The following DDHD1 variants were observed in gnomAD, a reference collection of about 807,000 sequenced individuals.
DDHD1 encodes the protein phospholipase DDHD1.
DDHD1 carries 49 observed loss-of-function variants against 96.4 expected under a neutral mutation model. The observed-to-expected ratio is 0.51, with a 90% confidence interval of 0.40 to 0.64. The LOEUF (loss-of-function observed/expected upper bound fraction) is 0.64, where lower values mean the gene tolerates loss of function less well. Ranked by LOEUF, DDHD1 falls within the 30% of genes least tolerant of loss-of-function variation. The probability of loss-of-function intolerance (pLI) is 0.00; values close to 1 mark genes in which losing one functional copy is unlikely to be tolerated. For missense variants in DDHD1, 1,106 were observed against 1,161.2 expected, an observed-to-expected ratio of 0.95 and a Z score of 0.69; for synonymous variants, 442 against 446.5, an observed-to-expected ratio of 0.99 and a Z score of 0.13.
intron 1 of DDHD1, among the ~76,000 whole-genome samples, chr14:53,149,152 C>A (rs1293736547): frequency 6.6e-6 from 1 of 152,076 alleles, no homozygotes; most frequent in African/African-American, 2.4e-5. Flanking sequence ...TTCATGTACC[C>A]CAAATTAGTT....
At chr14:53,149,492 C>A (rs1352770999) in intron 1 of DDHD1, among the ~76,000 whole-genome samples, 1 of 152,142 alleles carries the variant, frequency 6.6e-6, no homozygotes, top group Admixed American at 6.5e-5. Flanking sequence ...GGACTGGACC[C>A]TCCTAGAAAG....
chr14:53,125,981 G>A (rs917280399), intron 1 of DDHD1, among the ~76,000 whole-genome samples: 3 of 152,130 alleles, frequency 2.0e-5, no homozygotes, highest in East Asian at 3.9e-4. Context: ...GATTACAGGC[G>A]TGAGCCACCG....
chr14:53,128,514 T>G (rs1889625301), intron 1 of DDHD1, among the ~76,000 whole-genome samples: 1 of 152,162 alleles, frequency 6.6e-6, no homozygotes, highest in Non-Finnish European at 1.5e-5. Flanking sequence ...CGTATGACCT[T>G]ATCACTTCCC....
intron 1 of DDHD1, among the ~76,000 whole-genome samples, chr14:53,140,910 G>C (rs1304365852): frequency 6.6e-6 from 1 of 152,180 alleles, no homozygotes; most frequent in Non-Finnish European, 1.5e-5. Flanking sequence ...AAGGAATCTA[G>C]AGTGGCTATA....
At chr14:53,131,191 A>T (rs572372218) in intron 1 of DDHD1, among the ~76,000 whole-genome samples, 1 of 152,162 alleles carries the variant, frequency 6.6e-6, no homozygotes, top group African/African-American at 2.4e-5. Context: ...TTCCCTGACT[A>T]TTCCTGGGCT....
In DDHD1 at chr14:53,093,525, A is replaced by G. The variant is rs1886615982; in HGVS notation, c.1013-81T>C. On this transcript the variant is annotated intron_variant, in intron 2 of 12. Transcript: ENST00000673822. The stretch of plus-strand genomic sequence containing the variant: ...TGAAGAATTATAACACTCAGATTTT[A>G]AAATCAATATGTTATCTAAAAAACT... 3 of 1,537,292 alleles carry G rather than the reference A, an allele frequency of 2.0e-6. No homozygotes were observed. In the African/African-American group the frequency reaches 4.2e-5, roughly 21 times the overall value.
chr14:53,104,824 G>T (rs951749202), intron 1 of DDHD1, among the ~76,000 whole-genome samples: 2 of 151,902 alleles, frequency 1.3e-5, no homozygotes, highest in African/African-American at 4.8e-5. Flanking sequence ...GAAACAAATG[G>T]ATCTAATTAT....
chr14:53,146,660 T>C (rs1891005776), intron 1 of DDHD1, among the ~76,000 whole-genome samples: 1 of 152,220 alleles, frequency 6.6e-6, no homozygotes, highest in Non-Finnish European at 1.5e-5. Flanking sequence ...TTTACCACCT[T>C]GAATTTCACT....
chr14:53,119,787 A>C (rs1888841308), intron 1 of DDHD1, among the ~76,000 whole-genome samples: 2 of 152,348 alleles, frequency 1.3e-5, no homozygotes, highest in Admixed American at 1.3e-4. Context: ...TAAACTAGGT[A>C]TCAATAGAAT....
rs755632915 is a variant in DDHD1, at chr14:53,063,180, A to G, written c.1529T>C (p.Leu510Pro). The G allele has an allele frequency of 1.7e-5, 28 of 1,613,708 alleles. No individual in the cohort carries two copies. Among genetic ancestry groups the G allele is most frequent in the Non-Finnish European group, 2.3e-5 (27 of 1,179,962 alleles). Reference sequence around the variant, plus strand: ...ACAGAAAAGGGAATACAATCGATTCAGCTCTTGCTGAAGGCCTTTAACTAG... The same window carrying G: ...ACAGAAAAGGGAATACAATCGATTCGGCTCTTGCTGAAGGCCTTTAACTAG... ...DELVKGLQQELNRLYSLFCSR... is the reference protein window; with the variant it reads ...DELVKGLQQEPNRLYSLFCSR... Residue 510 changes from leucine (L) to proline (P), a missense_variant, in exon 7 of 13, where the codon CTG becomes CCG. Transcript: ENST00000673822.
intron 2 of DDHD1, 54 bp downstream of exon 2, chr14:53,103,629 T>C: frequency 7.1e-7 from 1 of 1,406,696 alleles, no homozygotes. Context: ...CTCTAAACTT[T>C]ATCAACAACT....
chr14:53,086,972 C>CAAAAAAAAAAAAAAAAAAAAA (rs60569444), intron 4 of DDHD1, among the ~76,000 whole-genome samples: 1 of 52,208 alleles, frequency 1.9e-5, no homozygotes, highest in Non-Finnish European at 3.6e-5. Flanking sequence ...AAATGAAAAG[C>CAAAAAAAAAAAAAAAAAAAAA]AAAAAAAAAA....
chr14:53,152,963 C>A lies in DDHD1; in HGVS notation c.136G>T (p.Gly46Cys), dbSNP rs61985140. 3.8e-6 allele frequency: 6 copies of A among 1,585,208 alleles called. No individual in the cohort carries two copies. In the Admixed American group the frequency reaches 5.4e-5, roughly 14 times the overall value. The change falls in exon 1 of 13, where the codon GGC becomes TGC. Residue 46 changes from glycine (G) to cysteine (C), a missense_variant. Around this residue, in one of 2 missense-constraint regions of DDHD1, gnomAD observed 456 missense variants for 402.4 expected, o/e 1.13. Coordinates refer to ENST00000673822, the MANE Select transcript of DDHD1 (RefSeq NM_001160148.2). ...ACGTCGCCGTCGTCCGGGTCCCCGCCGGGCAGGTGCTCGAAGCAGCAGACG... is the reference window on the plus strand; with the variant it reads ...ACGTCGCCGTCGTCCGGGTCCCCGCAGGGCAGGTGCTCGAAGCAGCAGACG... Reference protein sequence around the residue: ...GGVCCFEHLPGGDPDDGDVPL... With the variant: ...GGVCCFEHLPCGDPDDGDVPL...
chr14:53,104,426 G>A (rs1174301471), intron 1 of DDHD1, among the ~76,000 whole-genome samples: 1 of 152,160 alleles, frequency 6.6e-6, no homozygotes, highest in Non-Finnish European at 1.5e-5. Flanking sequence ...TTGTTAAAAC[G>A]AGTTTCATGC....
chr14:53,042,637 T>G lies in DDHD1; in HGVS notation c.*4131A>C, dbSNP rs1470551174. 1 of 152,204 alleles carries G rather than the reference T, an allele frequency of 6.6e-6. No individual in the cohort carries two copies. The highest frequency in any genetic ancestry group is 1.5e-5 in the Non-Finnish European group (1 of 68,030). The allele number at this position is 152,204 out of a possible 1,614,324, so 9.4% of individuals were successfully genotyped here. A position where few individuals can be genotyped will look rare whatever the true frequency, so the allele number is the denominator to read the frequency against. On this transcript the variant is annotated 3_prime_UTR_variant, in exon 13 of 13. Transcript: ENST00000673822. The stretch of plus-strand genomic sequence containing the variant: ...CTGTCACCAACTTAGCACTAACATT[T>G]ACTAAATGAGACCTTTGAGATTCTT...
At chr14:53,119,377 TAA>T (rs1244189661) in intron 1 of DDHD1, among the ~76,000 whole-genome samples, 1 of 152,032 alleles carries the variant, frequency 6.6e-6, no homozygotes, top group Non-Finnish European at 1.5e-5. Context: ...GCAAATTGGA[TAA>T]AGAGTCAAGG....
intron 1 of DDHD1, among the ~76,000 whole-genome samples, chr14:53,120,875 G>T (rs1216324198): frequency 6.6e-6 from 1 of 152,122 alleles, no homozygotes; most frequent in East Asian, 1.9e-4. Flanking sequence ...ATACCATTCA[G>T]GACATAGGCA....
In DDHD1 at chr14:53,152,946, G is replaced by T. The variant is rs772064611; in HGVS notation, c.153C>A (p.Asp51Glu). 7 of 1,594,062 alleles carry T rather than the reference G, an allele frequency of 4.4e-6. No homozygotes were observed. In the East Asian group the frequency reaches 1.6e-4, roughly 37 times the overall value. ...GCAGCAGGGCCAGGGGCACGTCGCC[G>T]TCGTCCGGGTCCCCGCCGGGCAGGT... is the stretch of plus-strand genomic sequence containing the variant. ...FEHLPGGDPD[D>E]GDVPLALLRG... Residue 51 changes from aspartate to glutamate, a missense_variant, in exon 1 of 13, where the codon GAC becomes GAA. Physicochemically the swap from Asp to Glu is conservative, Grantham distance 45. This residue lies in a region of DDHD1 where 456 missense variants were observed against 402.4 expected (regional missense o/e 1.13). Transcript: ENST00000673822.
Position 53,121,160 on chromosome 14 carries a change from T to A in DDHD1, c.839-17304A>T, listed in dbSNP as rs1888951596. On this transcript the variant is annotated intron_variant, in intron 1 of 12. Transcript: ENST00000673822. ...CACTTCTCAAGAGAAAACATCTATG[T>A]GGCCAAAAAACATGAAAAAAAAGTT... Among the ~76,000 whole-genome samples the A allele has an allele frequency of 3.3e-5, 5 of 152,076 alleles. No individual in the cohort carries two copies. In the South Asian group the frequency reaches 6.2e-4, roughly 19 times the overall value.
Sources: gnomAD v4.1 joint callset for allele counts (sites outside exome capture counted in the v4.1 genomes callset) on GRCh38, gnomAD v4.1.1 for gene constraint, gnomAD v4.1.1 regional missense constraint, MANE v1.5 for transcripts, NCBI Gene and HGNC (gene_info 2026-07-23, HGNC 2026-07-21) for gene names.